The following TRIM45 variants were observed in gnomAD, a reference collection of about 807,000 sequenced individuals.
The protein encoded by TRIM45 is E3 ubiquitin-protein ligase TRIM45.
Under a neutral mutation model 46.7 loss-of-function variants are expected in TRIM45, and 45 were observed. The ratio of observed to expected loss-of-function variants is 0.96; its 90% CI spans 0.76 to 1.24. The LOEUF is 1.24. Among genes scored for constraint, TRIM45 ranks in the 50% most tolerant of loss-of-function variants. The probability of loss-of-function intolerance (pLI) is 0.00; values close to 1 mark genes in which losing one functional copy is unlikely to be tolerated. For synonymous variants in TRIM45, 259 were observed against 285.8 expected (o/e 0.91, Z 0.94); for missense variants, 680 against 728.4 (o/e 0.93, Z 0.77).
intron 1 of TRIM45, 82 bp downstream of exon 1, chr1:117,120,632 C>T: frequency 2.0e-6 from 3 of 1,511,664 alleles, no homozygotes; most frequent in Non-Finnish European, 2.7e-6. Flanking sequence ...CTTTCCTTTT[C>T]ATCTGCTCAC....
chr1:117,112,774 G>A (rs1394071586), intron 5 of TRIM45, among the ~76,000 whole-genome samples: 1 of 152,092 alleles, frequency 6.6e-6, no homozygotes, highest in African/African-American at 2.4e-5. Context: ...TAAAATCATT[G>A]AAATAAAAAA....
rs140683547 is a variant in TRIM45, at chr1:117,119,259, C to T, written c.489-492G>A. The stretch of plus-strand genomic sequence containing the variant: ...GAAGCATTTCTGTTGACCTGTATCA[C>T]CCAAATCAGCAGGCTAGAATTTTTT... On this transcript the variant is annotated intron_variant, in intron 1 of 5. Coordinates refer to ENST00000256649, the MANE Select transcript of TRIM45 (RefSeq NM_025188.4). 3.0e-3 allele frequency among the ~76,000 whole-genome samples: 463 copies of T among 152,330 alleles called. 2 individuals carry two copies. The highest frequency in any genetic ancestry group is 0.014 in the Middle Eastern group (4 of 294).
rs993373570 is a variant in TRIM45, at chr1:117,118,717, T to C, written c.539A>G (p.Lys180Arg). The C allele has an allele frequency of 4.3e-6, 7 of 1,613,478 alleles. No homozygotes were observed. Among genetic ancestry groups the C allele is most frequent in the Non-Finnish European group, 5.9e-6 (7 of 1,180,052 alleles). Residue 180 changes from lysine to arginine, a missense_variant, in exon 2 of 6, where the codon AAA becomes AGA. Physicochemically the swap from Lys to Arg is conservative, Grantham distance 26. Around this residue, in one of 3 missense-constraint regions of TRIM45, gnomAD observed 349 missense variants for 343.6 expected, o/e 1.02. Coordinates refer to ENST00000256649, the MANE Select transcript of TRIM45 (RefSeq NM_025188.4). The surrounding 1 kb of genome is among the most constrained non-coding windows in gnomAD (Gnocchi z 5.7). ...YHTMVDLKDL[K>R]GYSRIGKPIL... Reference sequence around the variant, plus strand: ...GGGCTTCCCAATCCGGCTGTAGCCTTTCAAGTCTTTTAGGTCCACCATGGT... The same window carrying C: ...GGGCTTCCCAATCCGGCTGTAGCCTCTCAAGTCTTTTAGGTCCACCATGGT...
rs1650519374 is a variant in TRIM45, at chr1:117,118,955, C to G, written c.489-188G>C. Reference sequence around the variant, plus strand: ...ATCTGTACAGTGGGGACAATACCTACCTGAAAGAGCTGTTGTATAGAATAA... The same window carrying G: ...ATCTGTACAGTGGGGACAATACCTAGCTGAAAGAGCTGTTGTATAGAATAA... On this transcript the variant is annotated intron_variant, in intron 1 of 5. Transcript: ENST00000256649. This position sits in a 1 kb window ranked among gnomAD's most constrained non-coding sequence, Gnocchi z 5.7. Among the ~76,000 whole-genome samples the G allele has an allele frequency of 6.6e-6, 1 of 152,218 alleles. No homozygotes were observed. Among genetic ancestry groups the G allele is most frequent in the South Asian group, 2.1e-4 (1 of 4,832 alleles).
In TRIM45 at chr1:117,120,484, T is replaced by C. The variant is rs73006084; in HGVS notation, c.488+230A>G. ...GGAAACTGTAGCTGCACTTTGTAAATTGAAAGGGTTTATTGCTATTGCTAT... is the reference window on the plus strand; with the variant it reads ...GGAAACTGTAGCTGCACTTTGTAAACTGAAAGGGTTTATTGCTATTGCTAT... On this transcript the variant is annotated intron_variant, in intron 1 of 5. Coordinates refer to ENST00000256649, the MANE Select transcript of TRIM45 (RefSeq NM_025188.4). Among the ~76,000 whole-genome samples, 529 of 152,338 alleles carry C rather than the reference T, an allele frequency of 3.5e-3. 4 individuals are homozygous for C. Among genetic ancestry groups the C allele is most frequent in the African/African-American group, 0.012 (508 of 41,578 alleles).
chr1:117,121,307 G>C lies in TRIM45; in HGVS notation c.-106C>G. ...AGAGAAAGTCTCCAGAACTTGAACA[G>C]AGACCATGGGGACTCCCTCGCTGAC... On this transcript the variant is annotated 5_prime_UTR_variant, in exon 1 of 6. Transcript: ENST00000256649. The surrounding 1 kb of genome is among the most constrained non-coding windows in gnomAD (Gnocchi z 4.2). 1 of 1,358,752 alleles carries C rather than the reference G, an allele frequency of 7.4e-7. No homozygotes were observed. The highest frequency in any genetic ancestry group is 9.9e-7 in the Non-Finnish European group (1 of 1,009,404). 84.2% of individuals were successfully genotyped at this position (1,358,752 alleles called of 1,614,324 possible). A position where few individuals can be genotyped will look rare whatever the true frequency, so the allele number is the denominator to read the frequency against.
At position 117,117,094 on chromosome 1, in the gene TRIM45, C is replaced by T. The variant is rs1570914118; in HGVS notation, c.1223-349G>A. ...GATAGTAACCCCAAAACCACCCTCCCTAAGCTCCAGATCCTGCTGGGCTAG... is the reference window on the plus strand; with the variant it reads ...GATAGTAACCCCAAAACCACCCTCCTTAAGCTCCAGATCCTGCTGGGCTAG... On this transcript the variant is annotated intron_variant, in intron 2 of 5. Coordinates refer to ENST00000256649, the MANE Select transcript of TRIM45 (RefSeq NM_025188.4). This position sits in a 1 kb window ranked among gnomAD's most constrained non-coding sequence, Gnocchi z 4.9. Among the ~76,000 whole-genome samples, 1 of 152,296 alleles carries T rather than the reference C, an allele frequency of 6.6e-6. No individual in the cohort carries two copies. The highest frequency in any genetic ancestry group is 1.5e-5 in the Non-Finnish European group (1 of 68,022).
chr1:117,121,837 C>T, upstream of TRIM45: 2 of 714,606 alleles, frequency 2.8e-6, no homozygotes, highest in South Asian at 1.5e-5. The surrounding 1 kb of genome is among the most constrained non-coding windows in gnomAD (Gnocchi z 4.2). Context: ...CGGGCCCCGC[C>T]GCCCTCCAGA....
chr1:117,121,202 A>C lies in TRIM45; in HGVS notation c.-1T>G. ...GCAGCGGTTTTCTGTTTTCTGACAT[A>C]CTCCTCACGTTTGTGACCAATATTA... On this transcript the variant is annotated 5_prime_UTR_variant, in exon 1 of 6. Transcript: ENST00000256649. The surrounding 1 kb of genome is among the most constrained non-coding windows in gnomAD (Gnocchi z 4.2). 6.5e-7 allele frequency: 1 copy of C among 1,539,300 alleles called. No homozygotes were observed. Among genetic ancestry groups the C allele is most frequent in the Non-Finnish European group, 8.7e-7 (1 of 1,149,270 alleles).
rs1213471894 is a variant in TRIM45, at chr1:117,118,257, G to A, written c.999C>T (p.His333=). 6.2e-6 allele frequency: 10 copies of A among 1,614,056 alleles called. No homozygotes were observed. The highest frequency in any genetic ancestry group is 2.2e-5 in the East Asian group (1 of 44,894). ...DMRTGVEFTE[H]LLTSGSDLEI... is the part of the protein sequence containing the mutation. ...CCAAGTCTGAGCCGCTGGTCAGCAA[G>A]TGCTCGGTGAACTCCACTCCAGTCC... Residue 333 remains histidine (H), a synonymous_variant, in exon 2 of 6, where the codon CAC becomes CAT. Transcript: ENST00000256649. The surrounding 1 kb of genome is among the most constrained non-coding windows in gnomAD (Gnocchi z 5.7).
At position 117,115,630 on chromosome 1, in the gene TRIM45, G is replaced by T. The variant is rs374533969; in HGVS notation, c.1412C>A (p.Pro471His). The T allele has an allele frequency of 2.8e-5, 45 of 1,613,994 alleles. No homozygotes were observed. Among genetic ancestry groups the T allele is most frequent in the Non-Finnish European group, 5.9e-6 (7 of 1,180,022 alleles). ...CACAGTATAGACGCCAGGTTCCTTG[G>T]GGGTGTAGGAAATGTAGTATGTCCC... ...KDGTYYISYT[P>H]KEPGVYTVWV... The change falls in exon 4 of 6, where the codon CCC becomes CAC. Residue 471 changes from proline to histidine, a missense_variant. Pro to His is a moderately conservative substitution (Grantham distance 77). Coordinates refer to ENST00000256649, the MANE Select transcript of TRIM45 (RefSeq NM_025188.4). The surrounding 1 kb of genome is among the most constrained non-coding windows in gnomAD (Gnocchi z 4.2).
At position 117,112,211 on chromosome 1, in the gene TRIM45, TTCTATCAG is replaced by T; in HGVS notation, c.*86_*93del. On this transcript the variant is annotated 3_prime_UTR_variant, in exon 6 of 6. Transcript: ENST00000256649. ...GCAAGATAAGGCACTTTGTTTTTAA[TTCTATCAG>T]TCTCTTTAGAATGAACGAAGGTCTG... 7.8e-7 allele frequency: 1 copy of T among 1,277,710 alleles called. No homozygotes were observed. The highest frequency in any genetic ancestry group is 1.0e-6 in the Non-Finnish European group (1 of 984,914). 79.1% of individuals were successfully genotyped at this position (1,277,710 alleles called of 1,614,324 possible).
In TRIM45 at chr1:117,118,171, T is replaced by C; in HGVS notation, c.1085A>G (p.Tyr362Cys). The change falls in exon 2 of 6, where the codon TAT becomes TGT. Residue 362 changes from tyrosine (Y) to cysteine (C), a missense_variant. Transcript: ENST00000256649. The surrounding 1 kb of genome is among the most constrained non-coding windows in gnomAD (Gnocchi z 5.7). ...ERLRKLNKVQ[Y>C]STRPGVNDKI... Reference sequence around the variant, plus strand: ...ATCATTTACTCCAGGACGGGTGCTATATTGAACTTTGTTCAGCTTCCTGAG... The same window carrying C: ...ATCATTTACTCCAGGACGGGTGCTACATTGAACTTTGTTCAGCTTCCTGAG... The C allele has an allele frequency of 6.2e-7, 1 of 1,614,204 alleles. No homozygotes were observed. Among genetic ancestry groups the C allele is most frequent in the Non-Finnish European group, 8.5e-7 (1 of 1,180,040 alleles).
chr1:117,117,890 T>TA lies in TRIM45; in HGVS notation c.1222+143_1222+144insT. 1 of 1,064,672 alleles carries TA rather than the reference T, an allele frequency of 9.4e-7. No individual in the cohort carries two copies. The highest frequency in any genetic ancestry group is 1.4e-6 in the Non-Finnish European group (1 of 737,056). The allele number at this position is 1,064,672 out of a possible 1,614,324, so 66.0% of individuals were successfully genotyped here. A position where few individuals can be genotyped will look rare whatever the true frequency, so the allele number is the denominator to read the frequency against. On this transcript the variant is annotated intron_variant, in intron 2 of 5. Coordinates refer to ENST00000256649, the MANE Select transcript of TRIM45 (RefSeq NM_025188.4). This position sits in a 1 kb window ranked among gnomAD's most constrained non-coding sequence, Gnocchi z 4.9. ...AAACCAGAAAGGGCAAAGGTGGGGG[T>TA]CACTGTCTTTCAGATCAGTTTATCT...
rs1201732385 is a variant in TRIM45, at chr1:117,115,313, A to T, written c.1467+262T>A. Among the ~76,000 whole-genome samples the T allele has an allele frequency of 1.3e-5, 2 of 152,166 alleles. No individual in the cohort carries two copies. Among genetic ancestry groups the T allele is most frequent in the African/African-American group, 4.8e-5 (2 of 41,432 alleles). On this transcript the variant is annotated intron_variant, in intron 4 of 5. Transcript: ENST00000256649. This position sits in a 1 kb window ranked among gnomAD's most constrained non-coding sequence, Gnocchi z 4.2. ...GTGATCAAGACATCTTCTCCATATT[A>T]AGAATCCTAAGAAACCAACTGGGAG...
In TRIM45 at chr1:117,121,533, C is replaced by A; in HGVS notation, c.-332G>T. 1 of 535,050 alleles carries A rather than the reference C, an allele frequency of 1.9e-6. No homozygotes were observed. Among genetic ancestry groups the A allele is most frequent in the Non-Finnish European group, 3.3e-6 (1 of 304,572 alleles). The allele number at this position is 535,050 out of a possible 1,614,324, so 33.1% of individuals were successfully genotyped here. ...CCAACAAAGTCACCCCTGCACCTCT[C>A]GCTCCCTCCACTGCCACCCCCCTCC... On this transcript the variant is annotated 5_prime_UTR_variant, in exon 1 of 6. Coordinates refer to ENST00000256649, the MANE Select transcript of TRIM45 (RefSeq NM_025188.4). This position sits in a 1 kb window ranked among gnomAD's most constrained non-coding sequence, Gnocchi z 4.2.
chr1:117,123,816 A>T (rs1402132421), upstream of TRIM45, among the ~76,000 whole-genome samples: 1 of 152,060 alleles, frequency 6.6e-6, no homozygotes. Flanking sequence ...TTTTTAGTAG[A>T]GACTGGATTT....
chr1:117,116,189 A>T lies in TRIM45; in HGVS notation c.1352+427T>A, dbSNP rs373963676. Among the ~76,000 whole-genome samples, 2 of 152,258 alleles carry T rather than the reference A, an allele frequency of 1.3e-5. No homozygotes were observed. The highest frequency in any genetic ancestry group is 3.9e-4 in the East Asian group (2 of 5,178). On this transcript the variant is annotated intron_variant, in intron 3 of 5. Coordinates refer to ENST00000256649, the MANE Select transcript of TRIM45 (RefSeq NM_025188.4). This position sits in a 1 kb window ranked among gnomAD's most constrained non-coding sequence, Gnocchi z 4.6. The stretch of plus-strand genomic sequence containing the variant: ...CACATTTGGTCACGTAACGTTTCAT[A>T]GTATTATGGGGAGGTAAGACGTAAC...
chr1:117,115,722 C>A lies in TRIM45; in HGVS notation c.1353-33G>T. The A allele has an allele frequency of 1.4e-6, 2 of 1,462,568 alleles. No homozygotes were observed. The highest frequency in any genetic ancestry group is 1.9e-6 in the Non-Finnish European group (2 of 1,042,130). 90.6% of individuals were successfully genotyped at this position (1,462,568 alleles called of 1,614,324 possible). A position where few individuals can be genotyped will look rare whatever the true frequency, so the allele number is the denominator to read the frequency against. On this transcript the variant is annotated intron_variant, in intron 3 of 5. Transcript: ENST00000256649. The surrounding 1 kb of genome is among the most constrained non-coding windows in gnomAD (Gnocchi z 4.2). The stretch of plus-strand genomic sequence containing the variant: ...GAGATAAGAGTCAAAACACCACTCA[C>A]TTCCACAAGCTGGCTTCAGTTGCTA...
Sources: allele counts gnomAD v4.1 joint callset (sites outside exome capture counted in the v4.1 genomes callset), GRCh38; gene constraint gnomAD v4.1.1; regional missense constraint gnomAD v4.1.1; non-coding constraint Gnocchi (gnomAD v3.1); transcripts MANE v1.5; gene names NCBI Gene and HGNC (gene_info 2026-07-23, HGNC 2026-07-21).